COG6: variants seen among roughly 807,000 people sequenced by gnomAD.
The protein encoded by COG6 is component of oligomeric golgi complex 6.
A neutral mutation model predicts 88.8 loss-of-function variants in COG6; 74 were observed. That is an observed-to-expected ratio of 0.83 (90% CI 0.69 to 1.01). The LOEUF is 1.01. Among genes scored for constraint, COG6 ranks in the 50% least tolerant of loss-of-function variants. The probability of loss-of-function intolerance (pLI) is 0.00; values close to 1 mark genes in which losing one functional copy is unlikely to be tolerated. For synonymous variants in COG6, 286 were observed against 278.7 expected, an observed-to-expected ratio of 1.03 and a Z score of -0.26; for missense variants, 800 against 797.9, an observed-to-expected ratio of 1.00 and a Z score of -0.03.
rs117884494 is a variant in COG6, at chr13:39,785,024, T to C, written c.1827-3311T>C. ...GGAGTGAAGGCCCAGTCTCAGGTCC[T>C]TGGCCTTGATCATGGCCAACCGCAA... is the stretch of plus-strand genomic sequence containing the variant. On this transcript the variant is annotated intron_variant, in intron 18 of 18. Transcript: ENST00000416691. 9.8e-5 allele frequency among the ~76,000 whole-genome samples: 15 copies of C among 152,342 alleles called. No homozygotes were observed. In the East Asian group the frequency reaches 2.9e-3, roughly 29 times the overall value.
intron 12 of COG6, among the ~76,000 whole-genome samples, chr13:39,699,079 AAG>A (rs1877430203): frequency 6.6e-6 from 1 of 151,896 alleles, no homozygotes; most frequent in Admixed American, 6.6e-5. Flanking sequence ...TTTTAATTAA[AAG>A]AATAACTCAG....
intron 2 of COG6, among the ~76,000 whole-genome samples, chr13:39,659,716 TAGAA>T (rs1450030553): frequency 6.6e-6 from 1 of 152,240 alleles, no homozygotes; most frequent in Non-Finnish European, 1.5e-5. Flanking sequence ...TATTAATTCT[TAGAA>T]AGTTAACATT....
intron 18 of COG6, among the ~76,000 whole-genome samples, chr13:39,782,543 T>A (rs1881661801): frequency 6.6e-6 from 1 of 152,170 alleles, no homozygotes; most frequent in Admixed American, 6.5e-5. Flanking sequence ...CTTCAAGAAG[T>A]GCACCAGAAA....
chr13:39,690,320 A>C lies in COG6; in HGVS notation c.1074+496A>C, dbSNP rs570062992. Among the ~76,000 whole-genome samples the C allele has an allele frequency of 3.3e-5, 5 of 152,070 alleles. No homozygotes were observed. The East Asian group carries it at 9.7e-4, about 29-fold the overall frequency. ...ATCAAATTTGAGTTAGAATTCCCAT[A>C]TTGCCACTTAATTGTGTTTACTTAT... is the stretch of plus-strand genomic sequence containing the variant. On this transcript the variant is annotated intron_variant, in intron 11 of 18. Coordinates refer to ENST00000455146, the MANE Select transcript of COG6 (RefSeq NM_020751.3).
chr13:39,673,279 G>A (rs9532415), intron 4 of COG6, among the ~76,000 whole-genome samples: 151,527 of 152,072 alleles, frequency 1, 75,496 homozygotes, highest in Middle Eastern at 1. Flanking sequence ...ATTTTTCAAT[G>A]TATTTTTGTA....
At chr13:39,702,324 G>T (rs191255273) in intron 13 of COG6, among the ~76,000 whole-genome samples, 1 of 151,806 alleles carries the variant, frequency 6.6e-6, no homozygotes, top group East Asian at 1.9e-4. Context: ...GTATAACACC[G>T]ACATAAAACC....
At chr13:39,676,212 A>G (rs1354667553) in intron 4 of COG6, among the ~76,000 whole-genome samples, 2 of 152,002 alleles carry the variant, frequency 1.3e-5, no homozygotes, top group Non-Finnish European at 2.9e-5. Context: ...TCTGATAACC[A>G]TGATCTCTCA....
intron 18 of COG6, among the ~76,000 whole-genome samples, chr13:39,737,900 G>A (rs376017746): frequency 1.3e-5 from 2 of 152,120 alleles, no homozygotes; most frequent in African/African-American, 2.4e-5. Context: ...TGCTGGCTGA[G>A]TTCTGCCTGG....
intron 12 of COG6, among the ~76,000 whole-genome samples, chr13:39,695,820 A>G (rs971331414): frequency 2.0e-5 from 3 of 151,992 alleles, no homozygotes; most frequent in African/African-American, 7.2e-5. Context: ...CCCATAATTC[A>G]AAAGCAATGA....
chr13:39,696,765 T>A lies in COG6; in HGVS notation c.1166+2040T>A, dbSNP rs532087601. ...TTGAGTGACCTGAGCAGATTTGTGT[T>A]ATAAGGTTACTCTGGATATTCTGTG... is the stretch of plus-strand genomic sequence containing the variant. On this transcript the variant is annotated intron_variant, in intron 12 of 18. Transcript: ENST00000455146. Among the ~76,000 whole-genome samples the A allele has an allele frequency of 2.0e-5, 3 of 151,394 alleles. No homozygotes were observed. In the South Asian group the frequency reaches 6.3e-4, roughly 32 times the overall value.
chr13:39,694,566 A>G, intron 11 of COG6, 68 bp from the exon 12 acceptor site: 1 of 933,734 alleles, frequency 1.1e-6, no homozygotes, highest in South Asian at 1.3e-5. Flanking sequence ...TATTCATACC[A>G]TATGTTATTA....
chr13:39,727,515 C>G lies in COG6; in HGVS notation c.1793C>G (p.Pro598Arg). ...TCAGCCCCAGACAACCTATTGATAC[C>G]ACAGCTGAACTTTCTTCTAAGTGCC... Reference protein sequence around the residue: ...YLSAPDNLLIPQLNFLLSATV... With the variant: ...YLSAPDNLLIRQLNFLLSATV... Residue 598 changes from proline to arginine, a missense_variant, in exon 18 of 19, where the codon CCA becomes CGA. Physicochemically the swap from Pro to Arg is moderately radical, Grantham distance 103 (BLOSUM62 -2). Transcript: ENST00000455146. 4 of 1,613,276 alleles carry G rather than the reference C, an allele frequency of 2.5e-6. No homozygotes were observed. The highest frequency in any genetic ancestry group is 3.4e-6 in the Non-Finnish European group (4 of 1,179,444).
At chr13:39,659,659 A>C (rs1202170646) in intron 2 of COG6, 152 bp downstream of exon 2, 2 of 635,314 alleles carry the variant, frequency 3.1e-6, no homozygotes, top group Non-Finnish European at 2.7e-6. Context: ...CTGCATCTAG[A>C]TCTTTATTTG....
intron 18 of COG6, among the ~76,000 whole-genome samples, chr13:39,736,227 A>T: frequency 6.7e-6 from 1 of 149,348 alleles, no homozygotes; most frequent in South Asian, 2.1e-4. Flanking sequence ...CTTACTGTGT[A>T]TTTTCAAATA....
chr13:39,656,003 C>T (rs1185471438), intron 1 of COG6, 124 bp downstream of exon 1: 2 of 1,231,684 alleles, frequency 1.6e-6, no homozygotes, highest in African/African-American at 1.5e-5. Flanking sequence ...CGCGAGTGAC[C>T]CCAGACCTGC....
At chr13:39,767,082 C>T (rs1881187049) in intron 18 of COG6, among the ~76,000 whole-genome samples, 1 of 152,078 alleles carries the variant, frequency 6.6e-6, no homozygotes, top group African/African-American at 2.4e-5. Flanking sequence ...GAACTCTACC[C>T]CCTTCCTTCT....
chr13:39,689,802 A>C lies in COG6; in HGVS notation c.1052A>C (p.Glu351Ala). The stretch of plus-strand genomic sequence containing the variant: ...CAAGAAGTTGTTGGGCATATCACTG[A>C]AGGTGTGTGCAGGCCTCTAAAGGTA... ...NIQEVVGHIT[E>A]GVCRPLKVRI... The change falls in exon 11 of 19, where the codon GAA becomes GCA. Residue 351 changes from glutamate (E) to alanine (A), a missense_variant. Coordinates refer to ENST00000455146, the MANE Select transcript of COG6 (RefSeq NM_020751.3). The C allele has an allele frequency of 1.2e-6, 2 of 1,610,046 alleles. No homozygotes were observed. The highest frequency in any genetic ancestry group is 1.7e-6 in the Non-Finnish European group (2 of 1,177,300).
chr13:39,750,317 T>C (rs559895197), intron 18 of COG6, among the ~76,000 whole-genome samples: 1 of 152,292 alleles, frequency 6.6e-6, no homozygotes, highest in East Asian at 1.9e-4. Context: ...GAACCAATAC[T>C]GTTTTTTCTA....
downstream of COG6, among the ~76,000 whole-genome samples, chr13:39,753,779 G>A (rs1051502155): frequency 1.3e-5 from 2 of 152,108 alleles, no homozygotes; most frequent in Admixed American, 1.3e-4. Flanking sequence ...TATTCTCAAT[G>A]TCATAAATAA....
Sources: allele counts gnomAD v4.1 joint callset (sites outside exome capture counted in the v4.1 genomes callset), GRCh38; gene constraint gnomAD v4.1.1; transcripts MANE v1.5; gene names NCBI Gene and HGNC (gene_info 2026-07-23, HGNC 2026-07-21).